The following PLEKHA7 variants were observed in gnomAD, a reference collection of about 807,000 sequenced individuals.
PLEKHA7 encodes the protein pleckstrin homology domain-containing family A member 7.
A neutral mutation model predicts 170.0 loss-of-function variants in PLEKHA7; 104 were observed. The observed-to-expected ratio is 0.61, with a 90% CI of 0.52 to 0.72. The LOEUF (loss-of-function observed/expected upper bound fraction) is 0.72. Among genes scored for constraint, PLEKHA7 ranks in the 30% least tolerant of loss-of-function variants. PLEKHA7 has a pLI of 0.00. For synonymous variants in PLEKHA7, 648 were observed against 660.8 expected, an observed-to-expected ratio of 0.98 and a Z score of 0.30; for missense variants, 1,615 against 1,671.7, an observed-to-expected ratio of 0.97 and a Z score of 0.59.
chr11:16,884,842 T>G (rs1855962186), intron 3 of PLEKHA7, among the ~76,000 whole-genome samples: 1 of 152,164 alleles, frequency 6.6e-6, no homozygotes, highest in Admixed American at 6.5e-5. Flanking sequence ...CATTTCTAAT[T>G]TTTTTACAGT....
intron 12 of PLEKHA7, chr11:16,813,431 T>G: frequency 2.6e-6 from 1 of 383,934 alleles, no homozygotes; most frequent in Non-Finnish European, 5.0e-6. Flanking sequence ...GGGAGGATCC[T>G]ACCCCAGGGC....
In PLEKHA7 at chr11:16,789,862, C is replaced by T. The variant is rs147732275; in HGVS notation, c.3069G>A (p.Thr1023=). 7.4e-6 allele frequency: 12 copies of T among 1,613,974 alleles called. No individual in the cohort carries two copies. In the East Asian group the frequency reaches 2.4e-4, roughly 33 times the overall value. The change falls in exon 22 of 27, where the codon ACG becomes ACA. Residue 1023 remains threonine (T), a synonymous_variant. Coordinates refer to ENST00000531066, the MANE Select transcript of PLEKHA7 (RefSeq NM_001329630.2). This position sits in a 1 kb window ranked among gnomAD's most constrained non-coding sequence, Gnocchi z 4.6. ...TGGTGGACGACTGCTGGAGCCTTGACGTGGACCCTGAGAGCCCTTAGTGAG... is the reference window on the plus strand; with the variant it reads ...TGGTGGACGACTGCTGGAGCCTTGATGTGGACCCTGAGAGCCCTTAGTGAG... ...TLPGRGLSGS[T]SRLQQSSTIA...
intron 8 of PLEKHA7, among the ~76,000 whole-genome samples, chr11:16,843,587 T>C (rs1852144293): frequency 6.6e-6 from 1 of 152,224 alleles, no homozygotes; most frequent in South Asian, 2.1e-4. Context: ...GTATCAGCTA[T>C]CATTCACTAT....
intron 23 of PLEKHA7, chr11:16,788,869 C>T (rs1181133726): frequency 1.6e-6 from 1 of 606,214 alleles, no homozygotes. Flanking sequence ...TTTCCTCAGG[C>T]TCCTGGGCCT....
chr11:16,862,392 GT>G (rs1854034823), intron 4 of PLEKHA7, among the ~76,000 whole-genome samples: 1 of 152,150 alleles, frequency 6.6e-6, no homozygotes, highest in South Asian at 2.1e-4. Flanking sequence ...AGTGCCTTTG[GT>G]GAGCCCTCTT....
chr11:16,866,076 G>A (rs1418469552), intron 4 of PLEKHA7, among the ~76,000 whole-genome samples: 3 of 151,710 alleles, frequency 2.0e-5, no homozygotes, highest in East Asian at 2.0e-4. Flanking sequence ...TGACCCACCC[G>A]CCTTGGCCTC....
rs374635704 is a variant in PLEKHA7 at position 16,852,786 on chromosome 11, GTTT to G, written c.523-434_523-432del. ...TACCTAATGAATTAAGTGAGGCAAA[GTTT>G]TCATTAGACTATGCTCAGTTCTGTG... On this transcript the variant is annotated intron_variant, in intron 6 of 26. Coordinates refer to ENST00000531066, the MANE Select transcript of PLEKHA7 (RefSeq NM_001329630.2). Among the ~76,000 whole-genome samples the G allele has an allele frequency of 1.5e-3, 225 of 152,286 alleles. 1 individual carries two copies. In the East Asian group the frequency reaches 0.034, roughly 23 times the overall value.
At chr11:17,013,780 G>T (rs2137166709) in intron 3 of PLEKHA7, among the ~76,000 whole-genome samples, 1 of 152,230 alleles carries the variant, frequency 6.6e-6, no homozygotes, top group Admixed American at 6.5e-5. Flanking sequence ...CCCGGCCCAG[G>T]TCCCCAGCGT....
At chr11:16,868,158 G>A (rs1854542225) in intron 4 of PLEKHA7, among the ~76,000 whole-genome samples, 1 of 152,172 alleles carries the variant, frequency 6.6e-6, no homozygotes, top group African/African-American at 2.4e-5. Flanking sequence ...CCAGGTTAGA[G>A]TCCCCTTTAT....
intron 10 of PLEKHA7, among the ~76,000 whole-genome samples, chr11:16,820,184 A>T (rs982178962): frequency 1.3e-5 from 2 of 152,162 alleles, no homozygotes; most frequent in Non-Finnish European, 2.9e-5. Context: ...CCTCCAGGAG[A>T]TTCTAGTGCT....
chr11:16,920,749 C>A (rs1046179794), intron 3 of PLEKHA7, among the ~76,000 whole-genome samples: 6 of 152,184 alleles, frequency 3.9e-5, no homozygotes, highest in African/African-American at 1.4e-4. Context: ...CTGACGACAC[C>A]AGCAGGCTGC....
chr11:16,794,449 G>A (rs1848069994), intron 19 of PLEKHA7, 39 bp downstream of exon 19: 4 of 1,569,504 alleles, frequency 2.5e-6, no homozygotes, highest in Non-Finnish European at 3.5e-6. Context: ...AGGACAGAGA[G>A]GAAACAATGG....
Position 16,907,611 on chromosome 11 carries a change from G to A in PLEKHA7, c.222-36429C>T, listed in dbSNP as rs1348040573. On this transcript the variant is annotated intron_variant, in intron 3 of 26. Coordinates refer to ENST00000531066, the MANE Select transcript of PLEKHA7 (RefSeq NM_001329630.2). Reference sequence around the variant, plus strand: ...CAGCCGCCCCGTCCGGGAGGTGAGGGGCGCCTCTGCCTGGCCGCCCCTACT... The same window carrying A: ...CAGCCGCCCCGTCCGGGAGGTGAGGAGCGCCTCTGCCTGGCCGCCCCTACT... 6.9e-4 allele frequency among the ~76,000 whole-genome samples: 86 copies of A among 124,786 alleles called. 3 individuals carry two copies. The highest frequency in any genetic ancestry group is 1.2e-3 in the Non-Finnish European group (66 of 54,224). The allele number at this position is 124,786 out of a possible 152,430, so 81.9% of individuals were successfully genotyped here. A position where few individuals can be genotyped will look rare whatever the true frequency, so the allele number is the denominator to read the frequency against.
rs555470011 is a variant in PLEKHA7 at position 16,871,243 on chromosome 11, C to G, written c.222-61G>C. On this transcript the variant is annotated intron_variant, in intron 3 of 26. Transcript: ENST00000531066. ...GTGAATGGAAGGAGTACAGACACGA[C>G]AGGTCAGTCAGCAATGTCTGGTGAC... is the stretch of plus-strand genomic sequence containing the variant. 1.4e-5 allele frequency: 18 copies of G among 1,322,988 alleles called. No individual in the cohort carries two copies. In the South Asian group the frequency reaches 1.9e-4, roughly 14 times the overall value. The allele number at this position is 1,322,988 out of a possible 1,614,324, so 82.0% of individuals were successfully genotyped here.
At chr11:16,899,324 C>T (rs183715765) in intron 3 of PLEKHA7, among the ~76,000 whole-genome samples, 4 of 152,226 alleles carry the variant, frequency 2.6e-5, no homozygotes, top group African/African-American at 9.6e-5. Flanking sequence ...TGGAGAAACC[C>T]CCGTCTCTAC....
At chr11:16,786,476 A>G in intron 23 of PLEKHA7, 89 bp from the exon 24 acceptor site, 1 of 1,516,608 alleles carries the variant, frequency 6.6e-7, no homozygotes, top group Non-Finnish European at 8.8e-7. Context: ...GTCCTTTGGA[A>G]GATGAACCTG....
At chr11:16,862,137 T>C (rs1854008975) in intron 4 of PLEKHA7, among the ~76,000 whole-genome samples, 1 of 152,140 alleles carries the variant, frequency 6.6e-6, no homozygotes, top group South Asian at 2.1e-4. Context: ...CTATGGCTTA[T>C]TGTGTTCCTT....
chr11:16,890,523 A>G (rs140727826), intron 3 of PLEKHA7, among the ~76,000 whole-genome samples: 30 of 152,270 alleles, frequency 2.0e-4, no homozygotes, highest in Non-Finnish European at 3.4e-4. Flanking sequence ...CTTTAAATCA[A>G]TAACAGTAAA....
At chr11:16,930,933 G>A (rs562884857) in intron 3 of PLEKHA7, among the ~76,000 whole-genome samples, 3 of 152,098 alleles carry the variant, frequency 2.0e-5, no homozygotes, top group Admixed American at 6.5e-5. Flanking sequence ...GCTCCCTGCC[G>A]CACCTAAGCT....
Sources: allele counts gnomAD v4.1 joint callset (sites outside exome capture counted in the v4.1 genomes callset), GRCh38; gene constraint gnomAD v4.1.1; non-coding constraint Gnocchi (gnomAD v3.1); transcripts MANE v1.5; gene names NCBI Gene and HGNC (gene_info 2026-07-23, HGNC 2026-07-21).